RGS12: variants seen among roughly 807,000 people sequenced by gnomAD.
RGS12 encodes regulator of G-protein signaling 12.
A neutral mutation model predicts 120.1 loss-of-function variants in RGS12; 66 were observed. The observed-to-expected ratio is 0.55, with a 90% CI of 0.45 to 0.67. The LOEUF (loss-of-function observed/expected upper bound fraction) is 0.67. Ranked by LOEUF, RGS12 falls within the 30% of genes least tolerant of loss-of-function variation. The probability of loss-of-function intolerance (pLI) is 0.00; values close to 1 mark genes in which losing one functional copy is unlikely to be tolerated. For synonymous variants in RGS12, 827 were observed against 804.7 expected (o/e 1.03, Z -0.47); for missense variants, 1,859 against 1,957.7 (o/e 0.95, Z 0.95).
In RGS12 at chr4:3,422,402, C is replaced by A; in HGVS notation, c.2865C>A (p.Pro955=). 2 of 1,612,422 alleles carry A rather than the reference C, an allele frequency of 1.2e-6. No homozygotes were observed. Among genetic ancestry groups the A allele is most frequent in the East Asian group, 2.2e-5 (1 of 44,852 alleles). ...DLSEACRTLA[P]EKDKATKHCC... The stretch of plus-strand genomic sequence containing the variant: ...CGGAGGCCTGCAGGACTTTGGCACC[C>A]GAGAAGGACAAGGCCACCAAGCACT... The change falls in exon 11 of 18, where the codon CCC becomes CCA. Residue 955 remains proline, a synonymous_variant. Coordinates refer to ENST00000336727, the MANE Select transcript of RGS12 (RefSeq NM_001394154.1).
chr4:3,313,986 T>A (rs1724573378), intron 1 of RGS12, among the ~76,000 whole-genome samples: 1 of 151,926 alleles, frequency 6.6e-6, no homozygotes, highest in Non-Finnish European at 1.5e-5. Context: ...TTATTTATTT[T>A]TTAATGATGA....
intron 1 of RGS12, among the ~76,000 whole-genome samples, chr4:3,309,375 T>C (rs1282665935): frequency 1.1e-5 from 1 of 88,382 alleles, no homozygotes; most frequent in Non-Finnish European, 2.2e-5. Flanking sequence ...AGGGGAACCG[T>C]GCAGGGGAGG....
chr4:3,315,115 G>A (rs981859655), intron 1 of RGS12, among the ~76,000 whole-genome samples: 2 of 152,238 alleles, frequency 1.3e-5, no homozygotes, highest in East Asian at 1.9e-4. Flanking sequence ...CACTGTGTAG[G>A]GAGTTAAGTG....
At chr4:3,384,008 G>A (rs1219596861) in intron 3 of RGS12, among the ~76,000 whole-genome samples, 1 of 152,184 alleles carries the variant, frequency 6.6e-6, no homozygotes, top group African/African-American at 2.4e-5. Context: ...TTACTCATGA[G>A]CGTGACATGA....
chr4:3,376,523 C>T (rs1717716099), intron 3 of RGS12, among the ~76,000 whole-genome samples: 1 of 152,218 alleles, frequency 6.6e-6, no homozygotes, highest in Admixed American at 6.5e-5. Flanking sequence ...ACGTGCCCTC[C>T]AAGACCCTGC....
rs536621399 is a variant in RGS12, at chr4:3,311,548, A to T, written c.-101-4522A>T. 1.7e-4 allele frequency among the ~76,000 whole-genome samples: 26 copies of T among 152,316 alleles called. No individual in the cohort carries two copies. In the East Asian group the frequency reaches 5.0e-3, roughly 29 times the overall value. On this transcript the variant is annotated intron_variant, in intron 1 of 17. Coordinates refer to ENST00000336727, the MANE Select transcript of RGS12 (RefSeq NM_001394154.1). ...TGAGCATCCCTTATCCAGATGCTCC[A>T]GAATCGGAAACCCTCTGACACCGAT... is the stretch of plus-strand genomic sequence containing the variant.
chr4:3,288,882 C>T (rs1189037933), upstream of RGS12, among the ~76,000 whole-genome samples: 1 of 152,186 alleles, frequency 6.6e-6, no homozygotes, highest in Non-Finnish European at 1.5e-5. This position sits in a 1 kb window ranked among gnomAD's most constrained non-coding sequence, Gnocchi z 5.2. Context: ...ACGCCGTCAA[C>T]CCTGAGTGAG....
At chr4:3,342,090 C>T (rs935924839) in intron 2 of RGS12, among the ~76,000 whole-genome samples, 1 of 151,862 alleles carries the variant, frequency 6.6e-6, no homozygotes, top group Non-Finnish European at 1.5e-5. Flanking sequence ...TCCCTAGGGA[C>T]TCTCAAGGAA....
In RGS12 at chr4:3,433,436, A is replaced by G. The variant is rs1399187094; in HGVS notation, c.4114+2481A>G. On this transcript the variant is annotated intron_variant, in intron 17 of 17. Transcript: ENST00000336727. The surrounding 1 kb of genome is among the most constrained non-coding windows in gnomAD (Gnocchi z 4.4). Reference sequence around the variant, plus strand: ...ACTTTGCCCTTCCAGCCTCAGTGCCATGCACTGTGCCACCCTGTCCTAGCC... The same window carrying G: ...ACTTTGCCCTTCCAGCCTCAGTGCCGTGCACTGTGCCACCCTGTCCTAGCC... 6.6e-6 allele frequency among the ~76,000 whole-genome samples: 1 copy of G among 151,996 alleles called. No individual in the cohort carries two copies. Among genetic ancestry groups the G allele is most frequent in the Non-Finnish European group, 1.5e-5 (1 of 67,992 alleles).
At chr4:3,429,437 A>G (rs1724006384) in intron 16 of RGS12, among the ~76,000 whole-genome samples, 1 of 152,162 alleles carries the variant, frequency 6.6e-6, no homozygotes, top group Non-Finnish European at 1.5e-5. Flanking sequence ...CTCACGGTAA[A>G]ACTAAAACAC....
At chr4:3,395,064 A>T (rs1049450345) in intron 4 of RGS12, among the ~76,000 whole-genome samples, 1 of 152,160 alleles carries the variant, frequency 6.6e-6, no homozygotes, top group Non-Finnish European at 1.5e-5. Flanking sequence ...GTGGTGGCGC[A>T]TGCCTGTAAT....
intron 3 of RGS12, chr4:3,370,381 G>C: frequency 6.5e-7 from 1 of 1,536,258 alleles, no homozygotes. Flanking sequence ...TGGCACCCTG[G>C]CTATCCTGTT....
intron 4 of RGS12, among the ~76,000 whole-genome samples, chr4:3,397,192 G>C (rs751882036): frequency 9.2e-5 from 14 of 152,188 alleles, no homozygotes; most frequent in Non-Finnish European, 1.3e-4. Flanking sequence ...ACCTTGCAAG[G>C]ACTTGAGAAA....
At chr4:3,438,218 T>C (rs889355873) in intron 17 of RGS12, among the ~76,000 whole-genome samples, 14 of 152,166 alleles carry the variant, frequency 9.2e-5, no homozygotes, top group Admixed American at 1.3e-4. Context: ...GCCTCCACCC[T>C]GGCATGGACA....
rs1048010924 is a variant in RGS12 at position 3,396,915 on chromosome 4, T to G, written c.2020+10478T>G. Among the ~76,000 whole-genome samples, 185 of 127,402 alleles carry G rather than the reference T, an allele frequency of 1.5e-3. 1 individual carries two copies. The highest frequency in any genetic ancestry group is 5.6e-4 in the Non-Finnish European group (34 of 60,684). The allele number at this position is 127,402 out of a possible 152,430, so 83.6% of individuals were successfully genotyped here. ...GCCATTGACATTTGGACAATTGGGG[T>G]TTTTTTTTTTTAATTGCTGTAATTA... On this transcript the variant is annotated intron_variant, in intron 4 of 17. Transcript: ENST00000336727.
At chr4:3,407,625 C>G (rs1477278618) in intron 4 of RGS12, 1 of 152,310 alleles carries the variant, frequency 6.6e-6, no homozygotes, top group East Asian at 1.9e-4. Flanking sequence ...CAGGGGCACA[C>G]TGACTTATGT....
At chr4:3,301,446 G>T (rs1033310632) in intron 1 of RGS12, among the ~76,000 whole-genome samples, 1 of 152,222 alleles carries the variant, frequency 6.6e-6, no homozygotes, top group Admixed American at 6.5e-5. Flanking sequence ...ACCAGGTGTC[G>T]GTGAATAGGA....
intron 4 of RGS12, among the ~76,000 whole-genome samples, chr4:3,393,413 C>G (rs911082798): frequency 6.6e-6 from 1 of 152,166 alleles, no homozygotes; most frequent in Non-Finnish European, 1.5e-5. Context: ...ACTTTCCCTG[C>G]TAGGTCTCTC....
At position 3,352,406 on chromosome 4, in the gene RGS12, C is replaced by G. The variant is rs566819299; in HGVS notation, c.1998+9353C>G. 3.9e-5 allele frequency among the ~76,000 whole-genome samples: 6 copies of G among 152,264 alleles called. No homozygotes were observed. The South Asian group carries it at 1.2e-3, about 32-fold the overall frequency. ...ATACCAGTTCTAAGAATTGATGATTCTTTCCACAGGTGATCCTTCTCCACA... is the reference window on the plus strand; with the variant it reads ...ATACCAGTTCTAAGAATTGATGATTGTTTCCACAGGTGATCCTTCTCCACA... On this transcript the variant is annotated intron_variant, in intron 3 of 17. Coordinates refer to ENST00000336727, the MANE Select transcript of RGS12 (RefSeq NM_001394154.1).
Sources: allele counts gnomAD v4.1 joint callset (sites outside exome capture counted in the v4.1 genomes callset), GRCh38; gene constraint gnomAD v4.1.1; non-coding constraint Gnocchi (gnomAD v3.1); transcripts MANE v1.5; gene names NCBI Gene and HGNC (gene_info 2026-07-23, HGNC 2026-07-21).